The following UBE3C variants were observed in gnomAD, a reference collection of about 807,000 sequenced individuals.
UBE3C encodes the protein ubiquitin-protein ligase E3C.
A neutral mutation model predicts 129.4 loss-of-function variants in UBE3C; 42 were observed. The ratio of observed to expected loss-of-function variants is 0.32; its 90% confidence interval spans 0.25 to 0.42. UBE3C has a LOEUF of 0.42. Ranked by LOEUF, UBE3C falls within the 10% of genes least tolerant of loss-of-function variation. UBE3C has a pLI of 1.00. For synonymous variants in UBE3C, 510 were observed against 492.4 expected (o/e 1.04, Z -0.47); for missense variants, 1,049 against 1,319.1 (o/e 0.80, Z 3.17).
intron 10 of UBE3C, among the ~76,000 whole-genome samples, chr7:157,188,328 C>T (rs560277813): frequency 1.6e-4 from 25 of 152,192 alleles, no homozygotes; most frequent in Admixed American, 2.6e-4. Context: ...AGGAACCCAT[C>T]GGTTGAAATG....
rs540807995 is a variant in UBE3C at position 157,180,059 on chromosome 7, G to A, written c.616+1212G>A. 1.8e-4 allele frequency among the ~76,000 whole-genome samples: 27 copies of A among 152,296 alleles called. 1 individual carries two copies. In the South Asian group the frequency reaches 5.6e-3, roughly 32 times the overall value. On this transcript the variant is annotated intron_variant, in intron 6 of 22. Coordinates refer to ENST00000348165, the MANE Select transcript of UBE3C (RefSeq NM_014671.3). ...TGTAAGGAAGATATTTAAGAAATATGCATTATTTGAAATGTGTCCCAATAT... is the reference window on the plus strand; with the variant it reads ...TGTAAGGAAGATATTTAAGAAATATACATTATTTGAAATGTGTCCCAATAT...
At chr7:157,152,586 A>G (rs776395407) in intron 1 of UBE3C, among the ~76,000 whole-genome samples, 2 of 152,132 alleles carry the variant, frequency 1.3e-5, no homozygotes, top group Non-Finnish European at 2.9e-5. Context: ...TTATGAGCTC[A>G]TTGATCTCGA....
At chr7:157,223,139 A>C in intron 15 of UBE3C, 115 bp from the exon 16 acceptor site, 1 of 1,110,066 alleles carries the variant, frequency 9.0e-7, no homozygotes, top group Non-Finnish European at 1.3e-6. Context: ...ATGGAACTGG[A>C]TTTAGATAAA....
At chr7:157,190,028 T>G (rs1808913501) in intron 10 of UBE3C, among the ~76,000 whole-genome samples, 1 of 152,224 alleles carries the variant, frequency 6.6e-6, no homozygotes, top group African/African-American at 2.4e-5. Flanking sequence ...CTCGAACTCC[T>G]GACCTCAGGT....
At chr7:157,260,058 T>G (rs1168501592) in intron 22 of UBE3C, among the ~76,000 whole-genome samples, 1 of 151,830 alleles carries the variant, frequency 6.6e-6, no homozygotes, top group African/African-American at 2.4e-5. Flanking sequence ...TTAAACGTGT[T>G]AGTGAATACC....
chr7:157,256,760 G>A (rs1417552057), intron 21 of UBE3C, 154 bp from the exon 22 acceptor site: 19 of 850,930 alleles, frequency 2.2e-5, no homozygotes, highest in Admixed American at 7.6e-5. Context: ...TGCACAGCAC[G>A]TACACAGGTG....
At chr7:157,265,742 C>G (rs188910030) in intron 22 of UBE3C, among the ~76,000 whole-genome samples, 1 of 152,150 alleles carries the variant, frequency 6.6e-6, no homozygotes, top group African/African-American at 2.4e-5. Context: ...TTTTCTCATG[C>G]GTGCATTTCA....
chr7:157,143,601 G>A (rs975895618), intron 1 of UBE3C, among the ~76,000 whole-genome samples: 1 of 152,176 alleles, frequency 6.6e-6, no homozygotes, highest in Non-Finnish European at 1.5e-5. Flanking sequence ...GGAGAGGAAA[G>A]TCTGATTGGC....
In UBE3C at chr7:157,223,467, A is replaced by G. The variant is rs141941063; in HGVS notation, c.2100+116A>G. ...TAGTGCCTGGCTGATTACATAACAT[A>G]CTTTTCTCATTAGGCTGAAATAGCT... On this transcript the variant is annotated intron_variant, in intron 16 of 22. Transcript: ENST00000348165. 2,887 of 822,228 alleles carry G rather than the reference A, an allele frequency of 3.5e-3. 11 individuals carry two copies. Among genetic ancestry groups the G allele is most frequent in the Non-Finnish European group, 3.9e-3 (2,092 of 533,878 alleles). 50.9% of individuals were successfully genotyped at this position (822,228 alleles called of 1,614,324 possible).
Position 157,220,769 on chromosome 7 carries a change from C to T in UBE3C, c.1995C>T (p.Thr665=), listed in dbSNP as rs933415683. The T allele has an allele frequency of 9.3e-6, 15 of 1,614,082 alleles. No individual in the cohort carries two copies. The highest frequency in any genetic ancestry group is 1.3e-5 in the Non-Finnish European group (15 of 1,179,972). The change falls in exon 15 of 23, where the codon ACC becomes ACT. Residue 665 remains threonine (T), a synonymous_variant. Transcript: ENST00000348165. ...GGAGGATAGGCCCGCTGCAGTCCAC[C>T]CTGGACGGTGAGTTCTCTAGGACAC... is the stretch of plus-strand genomic sequence containing the variant. ...RMGRIGPLQS[T]LDVGLESPPL...
chr7:157,170,538 T>TA lies in UBE3C; in HGVS notation c.342+91dup, dbSNP rs1808339125. On this transcript the variant is annotated intron_variant, in intron 4 of 22. Coordinates refer to ENST00000348165, the MANE Select transcript of UBE3C (RefSeq NM_014671.3). Reference sequence around the variant, plus strand: ...TGGAAATGGCTTCTCATCAGAAAGTTAAACAGCTCTCCACTGCATCCAGGC... The same window carrying TA: ...TGGAAATGGCTTCTCATCAGAAAGTTAAAACAGCTCTCCACTGCATCCAGGC... 54 of 1,344,132 alleles carry TA rather than the reference T, an allele frequency of 4.0e-5. No individual in the cohort carries two copies. The East Asian group carries it at 1.5e-3, about 37-fold the overall frequency. 83.3% of individuals were successfully genotyped at this position (1,344,132 alleles called of 1,614,324 possible).
At chr7:157,140,812 T>A (rs1402214973) in intron 1 of UBE3C, among the ~76,000 whole-genome samples, 3 of 152,198 alleles carry the variant, frequency 2.0e-5, no homozygotes, top group Non-Finnish European at 2.9e-5. Flanking sequence ...TTGATCAGAA[T>A]CTCAAGGGAA....
rs1797126599 is a variant in UBE3C at position 157,268,031 on chromosome 7, A to C, written c.*276A>C. On this transcript the variant is annotated 3_prime_UTR_variant, in exon 23 of 23. Coordinates refer to ENST00000348165, the MANE Select transcript of UBE3C (RefSeq NM_014671.3). Reference sequence around the variant, plus strand: ...TTGCCAAGAAGAGCACAGTTTTTACACTAGTGGCATCTCAGTGAAATTAAC... The same window carrying C: ...TTGCCAAGAAGAGCACAGTTTTTACCCTAGTGGCATCTCAGTGAAATTAAC... The C allele has an allele frequency of 3.7e-6, 1 of 269,258 alleles. No homozygotes were observed. The highest frequency in any genetic ancestry group is 6.9e-6 in the Non-Finnish European group (1 of 144,708). The allele number at this position is 269,258 out of a possible 1,614,324, so 16.7% of individuals were successfully genotyped here. A position where few individuals can be genotyped will look rare whatever the true frequency, so the allele number is the denominator to read the frequency against.
chr7:157,220,765 C>T lies in UBE3C; in HGVS notation c.1991C>T (p.Ser664Phe). ...ATGGGGAGGATAGGCCCGCTGCAGTCCACCCTGGACGGTGAGTTCTCTAGG... is the reference window on the plus strand; with the variant it reads ...ATGGGGAGGATAGGCCCGCTGCAGTTCACCCTGGACGGTGAGTTCTCTAGG... ...RRMGRIGPLQ[S>F]TLDVGLESPP... is the part of the protein sequence containing the mutation. Residue 664 changes from serine to phenylalanine, a missense_variant, in exon 15 of 23, where the codon TCC becomes TTC. By Grantham distance (155) the Ser-to-Phe change is radical. This residue lies in a region of UBE3C where 314 missense variants were observed against 416.9 expected (regional missense o/e 0.75). Transcript: ENST00000348165. The T allele has an allele frequency of 6.2e-7, 1 of 1,614,148 alleles. No homozygotes were observed. Among genetic ancestry groups the T allele is most frequent in the Non-Finnish European group, 8.5e-7 (1 of 1,179,998 alleles).
At chr7:157,260,210 G>A (rs950294805) in intron 22 of UBE3C, among the ~76,000 whole-genome samples, 4 of 151,984 alleles carry the variant, frequency 2.6e-5, no homozygotes, top group Admixed American at 2.6e-4. Context: ...ATTCAGAATC[G>A]TAAAATAGAA....
chr7:157,184,305 T>C (rs1808751180), intron 9 of UBE3C, among the ~76,000 whole-genome samples: 1 of 152,214 alleles, frequency 6.6e-6, no homozygotes. Context: ...ACTTAGTTAT[T>C]AGGAAATATT....
intron 10 of UBE3C, among the ~76,000 whole-genome samples, chr7:157,199,852 C>G (rs1168342023): frequency 6.6e-6 from 1 of 152,106 alleles, no homozygotes. Flanking sequence ...CTTAATTGGT[C>G]TCCTTTAACT....
Position 157,201,709 on chromosome 7 carries a change from A to G in UBE3C, c.1332-12A>G, listed in dbSNP as rs1395318660. The G allele has an allele frequency of 4.4e-6, 6 of 1,365,390 alleles. No individual in the cohort carries two copies. The African/African-American group carries it at 6.2e-5, about 14-fold the overall frequency. The allele number at this position is 1,365,390 out of a possible 1,614,324, so 84.6% of individuals were successfully genotyped here. A position where few individuals can be genotyped will look rare whatever the true frequency, so the allele number is the denominator to read the frequency against. On this transcript the variant is annotated splice_polypyrimidine_tract_variant and intron_variant, in intron 10 of 22. Coordinates refer to ENST00000348165, the MANE Select transcript of UBE3C (RefSeq NM_014671.3). ...CTTTACTGTTCTGTGTTTTTCTCCT[A>G]TTCCTTTTTAGGCTTCTCTACAGTT...
chr7:157,215,471 TTATA>T (rs999595982), intron 13 of UBE3C, among the ~76,000 whole-genome samples: 1 of 148,224 alleles, frequency 6.7e-6, no homozygotes, highest in Non-Finnish European at 1.5e-5. Flanking sequence ...TATTATAAAT[TTATA>T]TATTATATAT....
Sources: gnomAD v4.1 joint callset for allele counts (sites outside exome capture counted in the v4.1 genomes callset) on GRCh38, gnomAD v4.1.1 for gene constraint, gnomAD v4.1.1 regional missense constraint, MANE v1.5 for transcripts, NCBI Gene and HGNC (gene_info 2026-07-23, HGNC 2026-07-21) for gene names.